PCDHA8: variants seen among roughly 807,000 people sequenced by gnomAD.
The protein encoded by PCDHA8 is protocadherin alpha-8.
A neutral mutation model predicts 61.8 loss-of-function variants in PCDHA8; 53 were observed. That is an observed-to-expected ratio of 0.86 (90% CI 0.69 to 1.08). The LOEUF (loss-of-function observed/expected upper bound fraction) is 1.08, where lower values mean the gene tolerates loss of function less well. PCDHA8 is among the 50% of genes least tolerant of loss of function. PCDHA8 has a pLI of 0.00. For synonymous variants in PCDHA8, 618 were observed against 556.6 expected (o/e 1.11, Z -1.55); for missense variants, 1,293 against 1,245.0 (o/e 1.04, Z -0.58).
chr5:140,875,610 C>T (rs1266412721), intron 1 of PCDHA8: 6 of 1,613,716 alleles, frequency 3.7e-6, no homozygotes, highest in African/African-American at 1.3e-5. Flanking sequence ...CCTTCGTGGG[C>T]CGCATCGCTC....
rs1554140180 is a variant in PCDHA8 at position 140,843,527 on chromosome 5, A to G, written c.2206A>G (p.Lys736Glu). 1.3e-6 allele frequency: 2 copies of G among 1,595,944 alleles called. No individual in the cohort carries two copies. Among genetic ancestry groups the G allele is most frequent in the East Asian group, 4.5e-5 (2 of 44,820 alleles). The stretch of plus-strand genomic sequence containing the variant: ...CACTGAGGGCGGGTGCCGGGCGGGC[A>G]AGCCCACTCTGGTGTGCTCCAGTGC... Reference protein sequence around the residue: ...LPTEGGCRAGKPTLVCSSAVG... With the variant: ...LPTEGGCRAGEPTLVCSSAVG... Residue 736 changes from lysine to glutamate, a missense_variant, in exon 1 of 4, where the codon AAG becomes GAG. Lys to Glu is a moderately conservative substitution (Grantham distance 56). Transcript: ENST00000531613.
In PCDHA8 at chr5:140,927,608, G is replaced by A. The variant is rs151084513; in HGVS notation, c.2395-51341G>A. ...CCTGTATTTGAGCGCTCCGTATACC[G>A]CACCAAGGTTCCAGAGACTGCACCC... On this transcript the variant is annotated intron_variant, in intron 1 of 3. Coordinates refer to ENST00000531613, the MANE Select transcript of PCDHA8 (RefSeq NM_018911.3). The A allele has an allele frequency of 2.2e-5, 35 of 1,614,050 alleles. No homozygotes were observed. In the African/African-American group the frequency reaches 4.4e-4, roughly 20 times the overall value.
At chr5:140,847,654 T>C (rs1037427370) in intron 1 of PCDHA8, 3 of 149,736 alleles carry the variant, frequency 2.0e-5, no homozygotes, top group South Asian at 2.1e-4. Flanking sequence ...AGATTATTCA[T>C]AGATTATAAA....
In PCDHA8 at chr5:140,847,559, GC is replaced by G. The variant is rs150732093; in HGVS notation, c.2394+3848del. 4.7e-5 allele frequency: 7 copies of G among 149,276 alleles called. No individual in the cohort carries two copies. In the East Asian group the frequency reaches 1.4e-3, roughly 29 times the overall value. The allele number at this position is 149,276 out of a possible 1,614,324, so 9.2% of individuals were successfully genotyped here. A position where few individuals can be genotyped will look rare whatever the true frequency, so the allele number is the denominator to read the frequency against. On this transcript the variant is annotated intron_variant, in intron 1 of 3. Coordinates refer to ENST00000531613, the MANE Select transcript of PCDHA8 (RefSeq NM_018911.3). ...AAGCATAGCTTTAAAAACAGAAATT[GC>G]CCCGAGTACTAAGGATGAGCAATAA...
At chr5:140,877,959 T>C in intron 1 of PCDHA8, 2 of 1,325,332 alleles carry the variant, frequency 1.5e-6, no homozygotes, top group South Asian at 3.5e-5. Flanking sequence ...ATGTCTCATC[T>C]TTCTTGGTCA....
intron 1 of PCDHA8, chr5:140,881,365 T>A (rs1216010175): frequency 1.0e-6 from 1 of 985,144 alleles, no homozygotes; most frequent in Non-Finnish European, 1.2e-6. Flanking sequence ...GGCTTTCGTA[T>A]GAATTGCAGC....
intron 1 of PCDHA8, chr5:140,851,137 A>G (rs2041971194): frequency 2.3e-6 from 3 of 1,313,646 alleles, no homozygotes; most frequent in South Asian, 2.5e-5. Flanking sequence ...TTGTGATTAA[A>G]GTGACATTGA....
rs373307820 is a variant in PCDHA8 at position 140,857,638 on chromosome 5, A to G, written c.2394+13923A>G. The G allele has an allele frequency of 1.1e-4, 174 of 1,596,206 alleles. 22 individuals are homozygous for G. The highest frequency in any genetic ancestry group is 1.4e-4 in the Non-Finnish European group (161 of 1,167,602). ...TGGACCACGAGGAGCTGGAGCTGCT[A>G]CAGTTCCAGGTGAGCGCGCGCGATG... is the stretch of plus-strand genomic sequence containing the variant. On this transcript the variant is annotated intron_variant, in intron 1 of 3. Transcript: ENST00000531613.
At chr5:140,941,754 T>A (rs2093159057) in intron 1 of PCDHA8, among the ~76,000 whole-genome samples, 1 of 152,256 alleles carries the variant, frequency 6.6e-6, no homozygotes, top group African/African-American at 2.4e-5. Context: ...AGATTTTCAG[T>A]GCTTTTAAGA....
intron 1 of PCDHA8, among the ~76,000 whole-genome samples, chr5:140,953,228 G>A (rs2094861370): frequency 6.6e-6 from 1 of 152,124 alleles, no homozygotes; most frequent in South Asian, 2.1e-4. Flanking sequence ...CTTCTGCTTG[G>A]TAGCAGTTCA....
chr5:140,931,716 T>G (rs1205500293), intron 1 of PCDHA8, among the ~76,000 whole-genome samples: 5 of 151,962 alleles, frequency 3.3e-5, no homozygotes, highest in Admixed American at 3.3e-4. Context: ...TAAAATAACT[T>G]CTATAAATAT....
chr5:140,897,540 A>C (rs1554187435), intron 1 of PCDHA8, among the ~76,000 whole-genome samples: 1 of 152,052 alleles, frequency 6.6e-6, no homozygotes, highest in Non-Finnish European at 1.5e-5. Flanking sequence ...ATGGCTGCAT[A>C]GTCTTCCATG....
chr5:140,920,429 C>T (rs2079631906), intron 1 of PCDHA8, among the ~76,000 whole-genome samples: 1 of 152,136 alleles, frequency 6.6e-6, no homozygotes. Flanking sequence ...TTCTCCCACA[C>T]ACCTCTTTTA....
At chr5:140,850,791 A>C in intron 1 of PCDHA8, 1 of 1,598,378 alleles carries the variant, frequency 6.3e-7, no homozygotes, top group Non-Finnish European at 8.6e-7. Flanking sequence ...GGGTAAGCAG[A>C]AGACCGACCT....
chr5:140,876,023 C>G, intron 1 of PCDHA8: 1 of 1,612,330 alleles, frequency 6.2e-7, no homozygotes, highest in Non-Finnish European at 8.5e-7. Flanking sequence ...AAAATAAAAA[C>G]AAAAAAAGAT....
intron 1 of PCDHA8, among the ~76,000 whole-genome samples, chr5:140,917,324 C>CGGGG (rs1299895515): frequency 3.9e-5 from 3 of 76,180 alleles, no homozygotes; most frequent in African/African-American, 8.6e-5. Context: ...GTTCATGTGG[C>CGGGG]GGGGGAGGGG....
intron 1 of PCDHA8, chr5:140,926,592 C>T: frequency 3.3e-6 from 1 of 298,858 alleles, no homozygotes; most frequent in Non-Finnish European, 6.1e-6. Flanking sequence ...CGCGCCCGGG[C>T]GGGCGGCCTC....
Position 140,841,218 on chromosome 5 carries a change from C to G in PCDHA8, c.-104C>G, listed in dbSNP as rs2150312000. ...TCTGACAGCATCTGTCTCTAAAGGC[C>G]GAACAACGGGAGATGCAGCGGAATT... On this transcript the variant is annotated 5_prime_UTR_variant, in exon 1 of 4. Coordinates refer to ENST00000531613, the MANE Select transcript of PCDHA8 (RefSeq NM_018911.3). 5 of 1,431,458 alleles carry G rather than the reference C, an allele frequency of 3.5e-6. No individual in the cohort carries two copies. Among genetic ancestry groups the G allele is most frequent in the Non-Finnish European group, 4.7e-6 (5 of 1,061,112 alleles). 88.7% of individuals were successfully genotyped at this position (1,431,458 alleles called of 1,614,324 possible).
chr5:140,971,652 G>A (rs1554233517), intron 1 of PCDHA8, among the ~76,000 whole-genome samples: 1 of 152,134 alleles, frequency 6.6e-6, no homozygotes, highest in African/African-American at 2.4e-5. Context: ...ATTAAAAGTA[G>A]ATGGGAATTA....
Sources: gnomAD v4.1 joint callset for allele counts (sites outside exome capture counted in the v4.1 genomes callset) on GRCh38, gnomAD v4.1.1 for gene constraint, MANE v1.5 for transcripts, NCBI Gene and HGNC (gene_info 2026-07-23, HGNC 2026-07-21) for gene names.